Variants in RBM4 observed in about 807,000 individuals in gnomAD.
The protein encoded by RBM4 is RNA-binding protein 4.
RBM4 carries 7 observed loss-of-function variants against 29.5 expected under a neutral mutation model. That is an observed-to-expected ratio of 0.24 (90% CI 0.14 to 0.45). RBM4 has a LOEUF of 0.45. RBM4 is among the 20% of genes least tolerant of loss of function. The pLI, the probability that RBM4 is intolerant of heterozygous loss-of-function variation, is 1.00. For synonymous variants in RBM4, 220 were observed against 205.4 expected, an observed-to-expected ratio of 1.07 and a Z score of -0.61; for missense variants, 387 against 502.3, an observed-to-expected ratio of 0.77 and a Z score of 2.19.
At chr11:66,647,346 T>A (rs984981149), downstream of RBM4, among the ~76,000 whole-genome samples, 12 of 152,246 alleles carry the variant, frequency 7.9e-5, no homozygotes, top group Non-Finnish European at 1.5e-4. Context: ...GATTTTTTTT[T>A]TAAATTAATT....
Position 66,653,528 on chromosome 11 carries a change from A to G in RBM4, c.413-12328A>G, listed in dbSNP as rs1336850979. 2.6e-5 allele frequency among the ~76,000 whole-genome samples: 4 copies of G among 151,932 alleles called. No individual in the cohort carries two copies. The East Asian group carries it at 7.7e-4, about 29-fold the overall frequency. On this transcript the variant is annotated intron_variant, in intron 2 of 2. Transcript: ENST00000396053. ...AGGCACATGCCACCACGCCCAGCTT[A>G]CTTTTGTATTTTTAGTAGAGACAGG...
At chr11:66,655,507 C>T (rs772334196) in intron 2 of RBM4, among the ~76,000 whole-genome samples, 2 of 152,098 alleles carry the variant, frequency 1.3e-5, no homozygotes, top group Non-Finnish European at 2.9e-5. Flanking sequence ...CTCTTGAACT[C>T]CTGGGCTCAA....
chr11:66,640,981 C>T (rs1324246150), intron 2 of RBM4: 1 of 152,110 alleles, frequency 6.6e-6, no homozygotes, highest in African/African-American at 2.4e-5. Context: ...ATTTGGGATG[C>T]TAAAATGGTA....
Position 66,651,489 on chromosome 11 carries a change from A to G in RBM4, c.412+11366A>G, listed in dbSNP as rs567944863. ...CACCATCCAGAGTAACTGGGACTAC[A>G]GGCGCCCGCCACCACACCTGGCTAA... On this transcript the variant is annotated intron_variant, in intron 2 of 2. Transcript: ENST00000396053. Among the ~76,000 whole-genome samples, 15 of 151,950 alleles carry G rather than the reference A, an allele frequency of 9.9e-5. No individual in the cohort carries two copies. The South Asian group carries it at 2.9e-3, about 30-fold the overall frequency.
downstream of RBM4, among the ~76,000 whole-genome samples, chr11:66,650,856 C>T (rs952983315): frequency 4.6e-5 from 7 of 152,096 alleles, no homozygotes; most frequent in Non-Finnish European, 8.8e-5. Context: ...GAGCTAGACT[C>T]CGTCTCAAAA....
chr11:66,660,089 C>T (rs1939044827), intron 2 of RBM4, among the ~76,000 whole-genome samples: 1 of 150,284 alleles, frequency 6.7e-6, no homozygotes, highest in African/African-American at 2.4e-5. Context: ...ACTCTCCTTT[C>T]AGATCCTTGT....
intron 3 of RBM4, chr11:66,644,516 G>C (rs565405918): frequency 3.7e-6 from 1 of 268,942 alleles, no homozygotes; most frequent in Non-Finnish European, 6.1e-6. Context: ...AGTTTCCTAC[G>C]TGTGCGACAT....
intron 3 of RBM4, chr11:66,644,614 A>G: frequency 1.2e-6 from 1 of 865,354 alleles, no homozygotes; most frequent in Admixed American, 5.6e-5. Context: ...AACTGTAGTT[A>G]ACTGGTCATC....
chr11:66,659,508 C>T (rs909071108), intron 2 of RBM4, among the ~76,000 whole-genome samples: 3 of 151,816 alleles, frequency 2.0e-5, no homozygotes, highest in African/African-American at 7.3e-5. Context: ...CTCGAACTAC[C>T]GACCTCGGGT....
downstream of RBM4, chr11:66,649,914 C>CT (rs1346608419): frequency 1.2e-4 from 68 of 558,082 alleles, no homozygotes; most frequent in South Asian, 4.6e-4. Context: ...CTTTAATAAA[C>CT]TGATTTTTTT....
At chr11:66,649,851 G>C (rs900000377), downstream of RBM4, 1 of 648,538 alleles carries the variant, frequency 1.5e-6, no homozygotes, top group Non-Finnish European at 2.8e-6. Flanking sequence ...TTTTTGCAGG[G>C]ACTATATGTG....
At chr11:66,641,289 A>G (rs1938451815) in intron 2 of RBM4, 1 of 152,214 alleles carries the variant, frequency 6.6e-6, no homozygotes, top group African/African-American at 2.4e-5. Flanking sequence ...GTTAAGAGTC[A>G]TTGCTGCCTT....
At chr11:66,657,107 TC>T (rs149334292) in intron 2 of RBM4, among the ~76,000 whole-genome samples, 1 of 141,196 alleles carries the variant, frequency 7.1e-6, no homozygotes, top group Non-Finnish European at 1.5e-5. Context: ...AATTTTTTAG[TC>T]TTTTTTTTTT....
At chr11:66,664,722 T>C (rs1432256963) in intron 2 of RBM4, among the ~76,000 whole-genome samples, 1 of 152,234 alleles carries the variant, frequency 6.6e-6, no homozygotes, top group Non-Finnish European at 1.5e-5. Flanking sequence ...CCCAAAGTGC[T>C]GGGATTACAG....
downstream of RBM4, among the ~76,000 whole-genome samples, chr11:66,648,792 G>A (rs1297177727): frequency 1.3e-5 from 2 of 151,616 alleles, no homozygotes; most frequent in East Asian, 1.9e-4. Context: ...AAGCCTGGGG[G>A]ACAAGGGCAA....
intron 2 of RBM4, 145 bp downstream of exon 2, chr11:66,640,268 G>A: frequency 9.2e-7 from 1 of 1,083,502 alleles, no homozygotes; most frequent in Non-Finnish European, 1.3e-6. Context: ...GACTTCTTAT[G>A]ATGTAGAATG....
At chr11:66,651,670 G>A (rs1027986808) in intron 2 of RBM4, among the ~76,000 whole-genome samples, 2 of 152,124 alleles carry the variant, frequency 1.3e-5, no homozygotes, top group African/African-American at 2.4e-5. Flanking sequence ...TTTTTAGTCC[G>A]TTTGAGGTGC....
At chr11:66,644,264 G>A in intron 3 of RBM4, 124 bp downstream of exon 3, 1 of 1,325,150 alleles carries the variant, frequency 7.5e-7, no homozygotes, top group Non-Finnish European at 1.0e-6. Flanking sequence ...TACTAGGATG[G>A]CTCACAGGCT....
chr11:66,644,733 C>CT, intron 3 of RBM4: 2 of 953,992 alleles, frequency 2.1e-6, no homozygotes, highest in Non-Finnish European at 2.5e-6. Context: ...TTTTATAGAA[C>CT]TTATTTGATG....
Sources: allele counts gnomAD v4.1 joint callset (sites outside exome capture counted in the v4.1 genomes callset), GRCh38; gene constraint gnomAD v4.1.1; transcripts MANE v1.5; gene names NCBI Gene and HGNC (gene_info 2026-07-23, HGNC 2026-07-21).